Variants in SLC39A12 observed in about 807,000 individuals in gnomAD.
The protein encoded by SLC39A12 is zinc transporter ZIP12.
SLC39A12 carries 63 observed loss-of-function variants against 71.1 expected under a neutral mutation model. The ratio of observed to expected loss-of-function variants is 0.89; its 90% confidence interval spans 0.72 to 1.09. The LOEUF (loss-of-function observed/expected upper bound fraction) is 1.09, where lower values mean the gene tolerates loss of function less well. Among genes scored for constraint, SLC39A12 ranks in the 50% least tolerant of loss-of-function variants. The probability of loss-of-function intolerance (pLI) is 0.00; values close to 1 mark genes in which losing one functional copy is unlikely to be tolerated. For missense variants in SLC39A12, 892 were observed against 812.6 expected (o/e 1.10, Z -1.19); for synonymous variants, 351 against 301.3 (o/e 1.16, Z -1.71).
intron 12 of SLC39A12, among the ~76,000 whole-genome samples, chr10:18,021,061 TG>T (rs1836520350): frequency 6.6e-6 from 1 of 152,052 alleles, no homozygotes; most frequent in African/African-American, 2.4e-5. Context: ...ATATCCAGGA[TG>T]GTATTTGCTA....
At chr10:18,041,232 T>G (rs1232772752) in intron 12 of SLC39A12, among the ~76,000 whole-genome samples, 1 of 152,078 alleles carries the variant, frequency 6.6e-6, no homozygotes, top group Non-Finnish European at 1.5e-5. Context: ...TAAATGGTGT[T>G]AGGCCATTTC....
chr10:17,975,384 G>A (rs1835083801), intron 4 of SLC39A12, among the ~76,000 whole-genome samples: 1 of 152,176 alleles, frequency 6.6e-6, no homozygotes, highest in African/African-American at 2.4e-5. Flanking sequence ...GTTAGCAGGT[G>A]ACAAGTCCTG....
chr10:17,961,330 G>A (rs1475434756), intron 2 of SLC39A12, among the ~76,000 whole-genome samples: 3 of 152,146 alleles, frequency 2.0e-5, no homozygotes, highest in African/African-American at 7.2e-5. Flanking sequence ...TTTTACACAA[G>A]GCAACAGATC....
intron 2 of SLC39A12, among the ~76,000 whole-genome samples, chr10:17,954,872 A>G (rs1834500095): frequency 6.6e-6 from 1 of 152,220 alleles, no homozygotes; most frequent in African/African-American, 2.4e-5. Flanking sequence ...TTGTTTTTTC[A>G]TAACAGAAGA....
chr10:17,976,716 C>G (rs778844536), intron 4 of SLC39A12, among the ~76,000 whole-genome samples: 1 of 152,312 alleles, frequency 6.6e-6, no homozygotes, highest in Non-Finnish European at 1.5e-5. Context: ...TGAGCCACCA[C>G]GCTGGTCCTC....
intron 12 of SLC39A12, among the ~76,000 whole-genome samples, 164 bp from the exon 13 acceptor site, chr10:18,042,541 C>T (rs1837288012): frequency 6.7e-6 from 1 of 150,046 alleles, no homozygotes; most frequent in African/African-American, 2.4e-5. Flanking sequence ...TTTTAGCTTA[C>T]ATTTCAAAGA....
intron 12 of SLC39A12, among the ~76,000 whole-genome samples, chr10:18,034,952 C>G (rs1283536006): frequency 6.6e-6 from 1 of 151,948 alleles, no homozygotes; most frequent in Non-Finnish European, 1.5e-5. Context: ...AAATTCTTGT[C>G]TTTAAGAATG....
At chr10:18,039,461 C>G (rs879870583) in intron 12 of SLC39A12, among the ~76,000 whole-genome samples, 1 of 152,130 alleles carries the variant, frequency 6.6e-6, no homozygotes, top group Non-Finnish European at 1.5e-5. Context: ...AGTATGGTGG[C>G]TTATGCCTGT....
intron 12 of SLC39A12, among the ~76,000 whole-genome samples, chr10:18,010,219 T>C (rs183804053): frequency 2.0e-5 from 3 of 152,176 alleles, no homozygotes; most frequent in Non-Finnish European, 2.9e-5. Context: ...GAATCCTTTC[T>C]CCATCCAAAA....
chr10:17,975,506 AC>A (rs1383648844), intron 4 of SLC39A12, among the ~76,000 whole-genome samples: 7 of 152,276 alleles, frequency 4.6e-5, no homozygotes, highest in African/African-American at 1.7e-4. Context: ...AACTCTAACC[AC>A]TGCCCCATCC....
At chr10:17,998,466 A>G (rs564095200) in intron 10 of SLC39A12, among the ~76,000 whole-genome samples, 47 of 152,232 alleles carry the variant, frequency 3.1e-4, no homozygotes, top group African/African-American at 1.1e-3. Context: ...ATCTCTGAAA[A>G]TTGGCAGGAG....
At chr10:18,012,467 A>G (rs1836254373) in intron 12 of SLC39A12, among the ~76,000 whole-genome samples, 1 of 152,222 alleles carries the variant, frequency 6.6e-6, no homozygotes, top group Non-Finnish European at 1.5e-5. Context: ...ACCAAGGTCC[A>G]GTCAGAGGGT....
Position 17,961,782 on chromosome 10 carries a change from G to A in SLC39A12, c.463G>A (p.Asp155Asn). ...HSLLSLRQDEDSSFLSQNETE... is the reference protein window; with the variant it reads ...HSLLSLRQDENSSFLSQNETE... ...CCTACTGAGCCTCAGGCAGGATGAA[G>A]ATTCCTCTTTCCTTTCACAGAATGA... Residue 155 changes from aspartate to asparagine, a missense_variant, in exon 3 of 13, where the codon GAT becomes AAT. Physicochemically the swap from Asp to Asn is conservative, Grantham distance 23. Coordinates refer to ENST00000377369, the MANE Select transcript of SLC39A12 (RefSeq NM_001145195.2). 6.2e-7 allele frequency: 1 copy of A among 1,614,132 alleles called. No individual in the cohort carries two copies. The highest frequency in any genetic ancestry group is 8.5e-7 in the Non-Finnish European group (1 of 1,180,006).
chr10:17,965,221 A>T (rs1342893714), intron 3 of SLC39A12, among the ~76,000 whole-genome samples: 1 of 152,074 alleles, frequency 6.6e-6, no homozygotes, highest in African/African-American at 2.4e-5. Flanking sequence ...AAAAGAAAAA[A>T]AAAAGGATAG....
intron 3 of SLC39A12, among the ~76,000 whole-genome samples, chr10:17,964,438 G>A (rs536490293): frequency 3.5e-4 from 54 of 152,278 alleles, no homozygotes; most frequent in African/African-American, 1.3e-3. Context: ...ACCTTGACAC[G>A]ATAACCTTCC....
chr10:18,023,325 AG>A (rs1457667302), intron 12 of SLC39A12, among the ~76,000 whole-genome samples: 1 of 151,092 alleles, frequency 6.6e-6, no homozygotes, highest in East Asian at 2.0e-4. Context: ...GGGATGTCAG[AG>A]GGTTCATGGG....
intron 5 of SLC39A12, among the ~76,000 whole-genome samples, chr10:17,979,161 G>A (rs1835191401): frequency 6.6e-6 from 1 of 152,174 alleles, no homozygotes; most frequent in Non-Finnish European, 1.5e-5. Flanking sequence ...ATTGTTGGCT[G>A]CATAACCTAA....
chr10:18,016,534 C>T lies in SLC39A12; in HGVS notation c.1947+13176C>T, dbSNP rs565928492. Among the ~76,000 whole-genome samples the T allele has an allele frequency of 8.5e-5, 13 of 152,148 alleles. No homozygotes were observed. The East Asian group carries it at 1.9e-3, about 23-fold the overall frequency. Reference sequence around the variant, plus strand: ...TTGAGCAGGTTTTTGTGTGAACAAACGTTTTCAAATCTGTTGAGGAAATGC... The same window carrying T: ...TTGAGCAGGTTTTTGTGTGAACAAATGTTTTCAAATCTGTTGAGGAAATGC... On this transcript the variant is annotated intron_variant, in intron 12 of 12. Coordinates refer to ENST00000377369, the MANE Select transcript of SLC39A12 (RefSeq NM_001145195.2).
chr10:18,000,793 C>T lies in SLC39A12; in HGVS notation c.1727C>T (p.Ala576Val), dbSNP rs1353341743. Residue 576 changes from alanine to valine, a missense_variant, in exon 11 of 13, where the codon GCT (alanine) becomes GTT (valine). Coordinates refer to ENST00000377369, the MANE Select transcript of SLC39A12 (RefSeq NM_001145195.2). Reference protein sequence around the residue: ...SSESGVTTTIAILCHEIPHEM... With the variant: ...SSESGVTTTIVILCHEIPHEM... The stretch of plus-strand genomic sequence containing the variant: ...GAGTCAGGAGTGACCACTACGATTG[C>T]TATCTTGTGTCATGAAATCCCACAT... 1.9e-6 allele frequency: 3 copies of T among 1,614,078 alleles called. No individual in the cohort carries two copies. The highest frequency in any genetic ancestry group is 1.7e-6 in the Non-Finnish European group (2 of 1,179,954).
Sources: gnomAD v4.1 joint callset for allele counts (sites outside exome capture counted in the v4.1 genomes callset) on GRCh38, gnomAD v4.1.1 for gene constraint, MANE v1.5 for transcripts, NCBI Gene and HGNC (gene_info 2026-07-23, HGNC 2026-07-21) for gene names.